FAF1: variants seen among roughly 807,000 people sequenced by gnomAD.
FAF1 encodes the protein Fas associated factor 1, also known as FAS-associated factor 1.
Under a neutral mutation model 92.5 loss-of-function variants are expected in FAF1, and 25 were observed. That is an observed-to-expected ratio of 0.27 (90% CI 0.20 to 0.38). FAF1 has a LOEUF of 0.38. FAF1 is among the 10% of genes least tolerant of loss of function. FAF1 has a pLI of 1.00. For missense variants in FAF1, 636 were observed against 793.3 expected (o/e 0.80, Z 2.38); for synonymous variants, 234 against 273.2 (o/e 0.86, Z 1.42).
chr1:50,626,389 C>T (rs1653499631), intron 8 of FAF1, among the ~76,000 whole-genome samples: 1 of 152,032 alleles, frequency 6.6e-6, no homozygotes. Context: ...AAAATCACAA[C>T]TGTAAATGCA....
At chr1:50,692,140 C>T (rs566534919) in intron 7 of FAF1, among the ~76,000 whole-genome samples, 6 of 152,066 alleles carry the variant, frequency 3.9e-5, no homozygotes, top group Admixed American at 3.3e-4. Context: ...CAATGGAACC[C>T]GGGAGTTCGA....
chr1:50,958,035 C>T (rs914013839), intron 1 of FAF1, among the ~76,000 whole-genome samples: 1 of 152,132 alleles, frequency 6.6e-6, no homozygotes, highest in Non-Finnish European at 1.5e-5. Context: ...GGAGCTTACA[C>T]CTGTATTCCC....
intron 1 of FAF1, among the ~76,000 whole-genome samples, chr1:50,885,324 A>ACACACACACACACACACACACACACG (rs1644651416): frequency 9.8e-6 from 1 of 102,214 alleles, no homozygotes; most frequent in Non-Finnish European, 2.1e-5. Flanking sequence ...ACACACACAC[A>ACACACACACACACACACACACACACG]CTCTCTCTCT....
chr1:50,778,875 G>C (rs753860782), intron 4 of FAF1, among the ~76,000 whole-genome samples: 2 of 151,724 alleles, frequency 1.3e-5, no homozygotes, highest in Non-Finnish European at 2.9e-5. Context: ...AGAGCTTGCT[G>C]CATCGATTAA....
intron 2 of FAF1, among the ~76,000 whole-genome samples, chr1:50,809,912 T>A (rs896907357): frequency 1.3e-5 from 2 of 152,212 alleles, no homozygotes; most frequent in African/African-American, 4.8e-5. Flanking sequence ...ATCCAAAAGC[T>A]AATGCTTTAT....
intron 1 of FAF1, among the ~76,000 whole-genome samples, chr1:50,869,483 T>C (rs1402212449): frequency 6.6e-6 from 1 of 152,196 alleles, no homozygotes; most frequent in African/African-American, 2.4e-5. Context: ...ACATGGTGTT[T>C]GTTGTTGCAT....
chr1:50,485,848 A>G (rs983138578), intron 17 of FAF1, among the ~76,000 whole-genome samples: 2 of 152,074 alleles, frequency 1.3e-5, no homozygotes, highest in African/African-American at 2.4e-5. Context: ...CCTTCTTCAC[A>G]TGGTGGCAGG....
chr1:50,450,134 C>T (rs1183333219), intron 18 of FAF1, among the ~76,000 whole-genome samples: 5 of 147,334 alleles, frequency 3.4e-5, no homozygotes, highest in African/African-American at 1.3e-4. Context: ...GCAGAGATTG[C>T]AGTGAACCAC....
intron 1 of FAF1, among the ~76,000 whole-genome samples, chr1:50,952,678 G>C (rs541772165): frequency 5.9e-5 from 9 of 151,782 alleles, no homozygotes; most frequent in African/African-American, 2.2e-4. Context: ...TCTCTGCCCG[G>C]CCGCCCATCG....
chr1:50,960,205 C>T lies in FAF1; in HGVS notation c.-394G>A, dbSNP rs1645306503. 3 of 323,418 alleles carry T rather than the reference C, an allele frequency of 9.3e-6. No individual in the cohort carries two copies. The highest frequency in any genetic ancestry group is 2.2e-5 in the African/African-American group (1 of 45,780). The allele number at this position is 323,418 out of a possible 1,614,324, so 20.0% of individuals were successfully genotyped here. On this transcript the variant is annotated 5_prime_UTR_variant, in exon 1 of 19. Coordinates refer to ENST00000396153, the MANE Select transcript of FAF1 (RefSeq NM_007051.3). ...GAAACCGAGCGAGCGAGCGGGCGGG[C>T]GAACGCCGCGGCCGCCTCCGCCTCC...
intron 8 of FAF1, among the ~76,000 whole-genome samples, chr1:50,623,063 G>A (rs577677333): frequency 8.5e-5 from 13 of 152,120 alleles, no homozygotes; most frequent in African/African-American, 2.7e-4. Flanking sequence ...TGTTCTCACC[G>A]GTTCCCAACT....
chr1:50,568,705 TACA>T (rs1650284187), intron 12 of FAF1, among the ~76,000 whole-genome samples: 1 of 152,200 alleles, frequency 6.6e-6, no homozygotes, highest in African/African-American at 2.4e-5. Context: ...TAGTAACTAA[TACA>T]ACGAGGATTG....
At chr1:50,545,564 C>T (rs1648971441) in intron 13 of FAF1, among the ~76,000 whole-genome samples, 1 of 151,580 alleles carries the variant, frequency 6.6e-6, no homozygotes, top group Non-Finnish European at 1.5e-5. Context: ...AGCCACCATG[C>T]CCACCTAAAG....
intron 16 of FAF1, 145 bp downstream of exon 16, chr1:50,491,576 T>C (rs1281472581): frequency 1.7e-6 from 1 of 573,474 alleles, no homozygotes. Context: ...TTAATAACCA[T>C]GGATAGGATT....
At chr1:50,911,658 C>T (rs1253546963) in intron 1 of FAF1, among the ~76,000 whole-genome samples, 1 of 152,012 alleles carries the variant, frequency 6.6e-6, no homozygotes, top group Non-Finnish European at 1.5e-5. Flanking sequence ...GATGTTGCCA[C>T]TACACTCCAG....
At chr1:50,446,314 G>A (rs185335988) in intron 18 of FAF1, among the ~76,000 whole-genome samples, 42 of 152,284 alleles carry the variant, frequency 2.8e-4, no homozygotes, top group African/African-American at 7.9e-4. Context: ...TTTAGTACCT[G>A]AGCATAAACT....
At chr1:50,934,274 C>T (rs1039472668) in intron 1 of FAF1, among the ~76,000 whole-genome samples, 18 of 152,162 alleles carry the variant, frequency 1.2e-4, no homozygotes, top group African/African-American at 4.3e-4. Context: ...TTTTTAAATA[C>T]TTACCCATAT....
At chr1:50,522,072 G>A (rs187414736) in intron 15 of FAF1, among the ~76,000 whole-genome samples, 17 of 152,274 alleles carry the variant, frequency 1.1e-4, no homozygotes, top group Admixed American at 1.1e-3. Flanking sequence ...TTAAAAGTGA[G>A]CATTATTCCA....
intron 4 of FAF1, among the ~76,000 whole-genome samples, chr1:50,751,700 G>A (rs183760177): frequency 6.6e-6 from 1 of 152,262 alleles, no homozygotes; most frequent in African/African-American, 2.4e-5. Flanking sequence ...TACTATAAAC[G>A]TATTTATACA....
Sources: gnomAD v4.1 joint callset for allele counts (sites outside exome capture counted in the v4.1 genomes callset) on GRCh38, gnomAD v4.1.1 for gene constraint, MANE v1.5 for transcripts, NCBI Gene and HGNC (gene_info 2026-07-23, HGNC 2026-07-21) for gene names.